ZNF407: variants seen among roughly 807,000 people sequenced by gnomAD.
ZNF407 encodes zinc finger protein 407.
In ZNF407, 17 loss-of-function variants were observed where a neutral mutation model predicts 131.2. That is an observed-to-expected ratio of 0.13 (90% CI 0.09 to 0.19). The LOEUF is 0.19. Among genes scored for constraint, ZNF407 ranks in the 10% least tolerant of loss-of-function variants. The pLI, the probability that ZNF407 is intolerant of heterozygous loss-of-function variation, is 1.00. For synonymous variants in ZNF407, 1,156 were observed against 1,062.0 expected (o/e 1.09, Z -1.72); for missense variants, 2,681 against 2,830.6 (o/e 0.95, Z 1.20).
intron 1 of ZNF407, among the ~76,000 whole-genome samples, chr18:74,611,101 G>GT (rs1346651200): frequency 2.0e-5 from 3 of 152,188 alleles, no homozygotes; most frequent in African/African-American, 7.2e-5. Context: ...GGTGGGGTAT[G>GT]TTTTTAATTC....
At chr18:74,623,252 G>T (rs191260143) in intron 1 of ZNF407, among the ~76,000 whole-genome samples, 101 of 151,768 alleles carry the variant, frequency 6.7e-4, no homozygotes, top group Non-Finnish European at 1.4e-3. Flanking sequence ...GTGTGTGCAT[G>T]TGAGTGTGTG....
At chr18:74,878,129 GA>G (rs1380358294) in intron 5 of ZNF407, among the ~76,000 whole-genome samples, 1 of 151,990 alleles carries the variant, frequency 6.6e-6, no homozygotes, top group Non-Finnish European at 1.5e-5. Flanking sequence ...TGATGTTTGT[GA>G]TTTCTTTTTT....
At chr18:74,891,616 T>G (rs1414582045) in intron 7 of ZNF407, among the ~76,000 whole-genome samples, 1 of 152,220 alleles carries the variant, frequency 6.6e-6, no homozygotes, top group East Asian at 1.9e-4. Context: ...GGATTGGTGT[T>G]TCTTGGAAAT....
At chr18:74,641,912 A>G (rs1189276644) in intron 3 of ZNF407, among the ~76,000 whole-genome samples, 1 of 152,210 alleles carries the variant, frequency 6.6e-6, no homozygotes. Flanking sequence ...TAATAAGTGC[A>G]TCATATAAAA....
At chr18:75,007,227 T>TTTCTC (rs1376900801) in intron 8 of ZNF407, among the ~76,000 whole-genome samples, 1 of 57,986 alleles carries the variant, frequency 1.7e-5, no homozygotes, top group Non-Finnish European at 5.2e-5. Flanking sequence ...TGTATTTCTA[T>TTTCTC]TTCTCTTTTC....
At chr18:74,725,542 T>G (rs1310363025) in intron 3 of ZNF407, among the ~76,000 whole-genome samples, 1 of 152,230 alleles carries the variant, frequency 6.6e-6, no homozygotes, top group Non-Finnish European at 1.5e-5. Context: ...GTGTTACATC[T>G]TGTCATCTGC....
Position 74,745,563 on chromosome 18 carries a change from A to G in ZNF407, c.4803-35865A>G, listed in dbSNP as rs529227472. On this transcript the variant is annotated intron_variant, in intron 3 of 8. Coordinates refer to ENST00000299687, the MANE Select transcript of ZNF407 (RefSeq NM_017757.3). ...TCCACAGAGTTTCAGCTTTGCTTGAAACTATCTTCTTGCCTTTGCCTATGT... is the reference window on the plus strand; with the variant it reads ...TCCACAGAGTTTCAGCTTTGCTTGAGACTATCTTCTTGCCTTTGCCTATGT... Among the ~76,000 whole-genome samples, 3 of 152,294 alleles carry G rather than the reference A, an allele frequency of 2.0e-5. No individual in the cohort carries two copies. In the East Asian group the frequency reaches 5.8e-4, roughly 29 times the overall value.
At chr18:74,942,869 A>G (rs1458816168) in intron 8 of ZNF407, among the ~76,000 whole-genome samples, 1 of 151,942 alleles carries the variant, frequency 6.6e-6, no homozygotes, top group Non-Finnish European at 1.5e-5. Context: ...GTTAGATCAT[A>G]TTGCAATATC....
At chr18:74,919,414 A>T (rs1355456660) in intron 7 of ZNF407, among the ~76,000 whole-genome samples, 1 of 152,208 alleles carries the variant, frequency 6.6e-6, no homozygotes, top group Admixed American at 6.5e-5. Context: ...TCTGCAGTGC[A>T]CTGTGAGATG....
intron 4 of ZNF407, among the ~76,000 whole-genome samples, chr18:74,840,782 A>G (rs1555693869): frequency 1.3e-5 from 2 of 152,136 alleles, no homozygotes; most frequent in Non-Finnish European, 2.9e-5. Flanking sequence ...CTCACATCCT[A>G]TCTATCATGT....
intron 8 of ZNF407, among the ~76,000 whole-genome samples, chr18:75,007,863 A>G (rs1056400687): frequency 1.4e-4 from 21 of 152,210 alleles, no homozygotes; most frequent in Non-Finnish European, 7.3e-5. Flanking sequence ...TGGGGTACAC[A>G]TAGAGGCAGC....
At chr18:74,802,858 T>C (rs1161384975) in intron 4 of ZNF407, among the ~76,000 whole-genome samples, 1 of 152,224 alleles carries the variant, frequency 6.6e-6, no homozygotes, top group African/African-American at 2.4e-5. Context: ...ATGATAAATA[T>C]GGTAGTCTGT....
intron 7 of ZNF407, among the ~76,000 whole-genome samples, chr18:74,914,109 T>A (rs1185397495): frequency 1.3e-5 from 2 of 152,234 alleles, no homozygotes; most frequent in Non-Finnish European, 2.9e-5. Flanking sequence ...CGATGCGTGC[T>A]GTTTCTATTC....
rs1193221505 is a variant in ZNF407 at position 74,953,598 on chromosome 18, A to G, written c.5428+32906A>G. ...GCTCCCTGCCTCTGTGTCCTGCCCC[A>G]CACTCCGTAACGCTAGGCTTCGTTT... is the stretch of plus-strand genomic sequence containing the variant. On this transcript the variant is annotated intron_variant, in intron 8 of 8. Coordinates refer to ENST00000299687, the MANE Select transcript of ZNF407 (RefSeq NM_017757.3). 2.0e-5 allele frequency among the ~76,000 whole-genome samples: 3 copies of G among 152,106 alleles called. No homozygotes were observed. The East Asian group carries it at 5.8e-4, about 29-fold the overall frequency.
Position 74,972,601 on chromosome 18 carries a change from G to C in ZNF407, c.5428+51909G>C, listed in dbSNP as rs190792503. Among the ~76,000 whole-genome samples, 12 of 152,150 alleles carry C rather than the reference G, an allele frequency of 7.9e-5. No individual in the cohort carries two copies. The Middle Eastern group carries it at 0.014, about 173-fold the overall frequency. On this transcript the variant is annotated intron_variant, in intron 8 of 8. Transcript: ENST00000299687. ...TGAGCTCACACCTTGATTTCCTTTG[G>C]CTTCATGTATTTTAAAGCTCTGTTG...
intron 8 of ZNF407, among the ~76,000 whole-genome samples, chr18:74,931,667 C>A (rs1971984440): frequency 6.6e-6 from 1 of 151,732 alleles, no homozygotes; most frequent in African/African-American, 2.4e-5. Flanking sequence ...AAAAAAAAAA[C>A]TGTTGAACTA....
intron 1 of ZNF407, among the ~76,000 whole-genome samples, chr18:74,621,633 G>A (rs959393957): frequency 4.6e-5 from 7 of 152,106 alleles, no homozygotes; most frequent in African/African-American, 1.7e-4. Flanking sequence ...TGACCCTAGG[G>A]GAGGGCATGC....
chr18:75,056,006 A>G (rs910557603), intron 8 of ZNF407, among the ~76,000 whole-genome samples: 1 of 152,252 alleles, frequency 6.6e-6, no homozygotes, highest in Non-Finnish European at 1.5e-5. Flanking sequence ...CAGCAGCGTC[A>G]TGAAATGCGG....
At chr18:74,820,310 C>T (rs1970323284) in intron 4 of ZNF407, among the ~76,000 whole-genome samples, 1 of 152,124 alleles carries the variant, frequency 6.6e-6, no homozygotes, top group South Asian at 2.1e-4. Flanking sequence ...TGTCTAGTAG[C>T]CATTTGGGTT....
Sources: gnomAD v4.1 joint callset for allele counts (sites outside exome capture counted in the v4.1 genomes callset) on GRCh38, gnomAD v4.1.1 for gene constraint, MANE v1.5 for transcripts, NCBI Gene and HGNC (gene_info 2026-07-23, HGNC 2026-07-21) for gene names.